The following CRADD variants were observed in gnomAD, a reference collection of about 807,000 sequenced individuals.
CRADD encodes the protein CARD and death domain containing adaptor protein, also known as death domain-containing protein CRADD.
A neutral mutation model predicts 15.5 loss-of-function variants in CRADD; 9 were observed. That is an observed-to-expected ratio of 0.58 (90% CI 0.35 to 1.01). The LOEUF (loss-of-function observed/expected upper bound fraction) is 1.01. Among genes scored for constraint, CRADD ranks in the 50% least tolerant of loss-of-function variants. The pLI is 0.02. For missense variants in CRADD, 227 were observed against 250.3 expected (o/e 0.91, Z 0.63); for synonymous variants, 118 against 107.6 (o/e 1.10, Z -0.60).
At chr12:93,819,715 T>C (rs776125682) in intron 2 of CRADD, among the ~76,000 whole-genome samples, 1 of 152,256 alleles carries the variant, frequency 6.6e-6, no homozygotes, top group Non-Finnish European at 1.5e-5. Flanking sequence ...TGTTACTTGG[T>C]GTGCGTAAGA....
At chr12:93,816,466 A>G (rs577716078) in intron 2 of CRADD, among the ~76,000 whole-genome samples, 3 of 148,244 alleles carry the variant, frequency 2.0e-5, no homozygotes, top group African/African-American at 5.0e-5. Flanking sequence ...ACCTCAAGTC[A>G]TCTGCCTGCC....
At chr12:93,874,394 T>A (rs966594711) in intron 2 of CRADD, among the ~76,000 whole-genome samples, 1 of 152,026 alleles carries the variant, frequency 6.6e-6, no homozygotes, top group Non-Finnish European at 1.5e-5. Context: ...CAACTTTTTG[T>A]TTCATTGATT....
chr12:93,785,088 C>CTT (rs1024639480), intron 2 of CRADD, among the ~76,000 whole-genome samples: 12 of 148,734 alleles, frequency 8.1e-5, no homozygotes, highest in African/African-American at 2.7e-4. Context: ...TTGTGTTTTG[C>CTT]TTTTTTTTTT....
At chr12:93,829,873 A>G (rs1316468608) in intron 2 of CRADD, among the ~76,000 whole-genome samples, 1 of 151,992 alleles carries the variant, frequency 6.6e-6, no homozygotes, top group Non-Finnish European at 1.5e-5. Flanking sequence ...TTTGTATTTT[A>G]GTAGAGAGGG....
chr12:93,858,811 G>T (rs1958295719), intron 2 of CRADD, among the ~76,000 whole-genome samples: 1 of 152,196 alleles, frequency 6.6e-6, no homozygotes, highest in African/African-American at 2.4e-5. Context: ...ATCCCAGAGG[G>T]GTCCTACCCC....
intron 2 of CRADD, among the ~76,000 whole-genome samples, chr12:93,862,664 A>G (rs1030590062): frequency 8.5e-5 from 13 of 152,234 alleles, no homozygotes; most frequent in African/African-American, 3.1e-4. Flanking sequence ...TTCACCCTTT[A>G]GACTACCAAG....
intron 2 of CRADD, among the ~76,000 whole-genome samples, chr12:93,882,455 T>C (rs1363899317): frequency 1.4e-5 from 2 of 147,118 alleles, no homozygotes; most frequent in African/African-American, 2.5e-5. Flanking sequence ...AAGAAAAATA[T>C]ATACATATTA....
chr12:93,757,816 T>A (rs1956908221), intron 2 of CRADD, among the ~76,000 whole-genome samples: 1 of 152,054 alleles, frequency 6.6e-6, no homozygotes, highest in African/African-American at 2.4e-5. Context: ...GTAGATAGTT[T>A]AAAAAAATTC....
intron 2 of CRADD, among the ~76,000 whole-genome samples, chr12:93,818,688 C>T (rs1249454274): frequency 6.6e-6 from 1 of 152,160 alleles, no homozygotes; most frequent in East Asian, 1.9e-4. Flanking sequence ...AAAGGAGTGT[C>T]CCCAGACCCC....
intron 2 of CRADD, among the ~76,000 whole-genome samples, chr12:93,728,230 TA>T (rs1481151545): frequency 6.6e-6 from 1 of 152,236 alleles, no homozygotes; most frequent in African/African-American, 2.4e-5. Context: ...CAGCTATCTA[TA>T]ATTGATAATC....
chr12:93,766,751 T>A (rs1426688680), intron 2 of CRADD, among the ~76,000 whole-genome samples: 1 of 152,218 alleles, frequency 6.6e-6, no homozygotes, highest in Non-Finnish European at 1.5e-5. Flanking sequence ...GCATCAACCA[T>A]CCTTTGCTGG....
In CRADD at chr12:93,742,380, C is replaced by G. The variant is rs906330223; in HGVS notation, c.298+63308C>G. Among the ~76,000 whole-genome samples, 52 of 151,076 alleles carry G rather than the reference C, an allele frequency of 3.4e-4. 2 individuals carry two copies. Among genetic ancestry groups the G allele is most frequent in the Middle Eastern group, 3.4e-3 (1 of 292 alleles). ...AGCTGCAGATAAGCCAGCGCTTGGC[C>G]GGGCACCCGCGGGCCGCGCAGCGGG... On this transcript the variant is annotated intron_variant, in intron 2 of 2. Transcript: ENST00000332896.
At position 93,757,987 on chromosome 12, in the gene CRADD, AG is replaced by A. The variant is rs561822702; in HGVS notation, c.298+78916del. 1.9e-3 allele frequency among the ~76,000 whole-genome samples: 285 copies of A among 152,306 alleles called. 1 individual carries two copies. Among genetic ancestry groups the A allele is most frequent in the African/African-American group, 6.5e-3 (272 of 41,570 alleles). On this transcript the variant is annotated intron_variant, in intron 2 of 2. Transcript: ENST00000332896. ...GTGGTTGGACTCAGCATACATTGGA[AG>A]AAGAGGGCACAGGACCCTGTGTCAG...
intron 2 of CRADD, among the ~76,000 whole-genome samples, chr12:93,745,279 A>C (rs911887927): frequency 2.0e-5 from 3 of 152,254 alleles, no homozygotes; most frequent in African/African-American, 7.2e-5. Context: ...ACTATTCAGA[A>C]GTATGAATTA....
chr12:93,877,939 C>T (rs543825560), intron 2 of CRADD, among the ~76,000 whole-genome samples: 1 of 152,218 alleles, frequency 6.6e-6, no homozygotes, highest in South Asian at 2.1e-4. Context: ...CCACAGCCAC[C>T]ACAACTGGTA....
intron 2 of CRADD, among the ~76,000 whole-genome samples, chr12:93,844,951 G>A (rs1958095844): frequency 6.6e-6 from 1 of 152,130 alleles, no homozygotes; most frequent in African/African-American, 2.4e-5. Context: ...GGTTGAGGAG[G>A]TGAGTGGATA....
rs1326452942 is a variant in CRADD at position 93,869,998 on chromosome 12, GCTGAAAA to G, written c.299-24050_299-24044del. On this transcript the variant is annotated intron_variant, in intron 2 of 2. Transcript: ENST00000548483. ...TATCTAGGCACATAATTGACAAATG[GCTGAAAA>G]CCAAGGATAAAGAAAAAAAAATCTT... Among the ~76,000 whole-genome samples, 8 of 151,926 alleles carry G rather than the reference GCTGAAAA, an allele frequency of 5.3e-5. No homozygotes were observed. The East Asian group carries it at 1.2e-3, about 22-fold the overall frequency.
chr12:93,721,774 C>G (rs1956269754), intron 2 of CRADD, among the ~76,000 whole-genome samples: 1 of 152,134 alleles, frequency 6.6e-6, no homozygotes, highest in South Asian at 2.1e-4. Context: ...GGGTGGGGCC[C>G]TGAAGCCAAT....
chr12:93,823,071 G>T (rs930237598), intron 2 of CRADD, among the ~76,000 whole-genome samples: 1 of 152,298 alleles, frequency 6.6e-6, no homozygotes, highest in East Asian at 1.9e-4. Context: ...AAGGCAGGAG[G>T]ATCACCAGGT....
Sources: allele counts gnomAD v4.1 joint callset (sites outside exome capture counted in the v4.1 genomes callset), GRCh38; gene constraint gnomAD v4.1.1; transcripts MANE v1.5; gene names NCBI Gene and HGNC (gene_info 2026-07-23, HGNC 2026-07-21).